The following CACNA1A variants were observed in gnomAD, a reference collection of about 807,000 sequenced individuals.
CACNA1A encodes voltage-dependent P/Q-type calcium channel subunit alpha-1A.
CACNA1A carries 57 observed loss-of-function variants against 262.4 expected under a neutral mutation model. That is an observed-to-expected ratio of 0.22 (90% confidence interval 0.18 to 0.27). CACNA1A has a LOEUF of 0.27. CACNA1A is among the 10% of genes least tolerant of loss of function. The pLI is 1.00. For missense variants in CACNA1A, 2,526 were observed against 3,562.8 expected, an observed-to-expected ratio of 0.71 and a Z score of 7.41; for synonymous variants, 1,431 against 1,419.3, an observed-to-expected ratio of 1.01 and a Z score of -0.18.
At chr19:13,437,363 A>G (rs1419333575) in intron 3 of CACNA1A, among the ~76,000 whole-genome samples, 8 of 152,168 alleles carry the variant, frequency 5.3e-5, no homozygotes, top group Admixed American at 5.2e-4. Flanking sequence ...CATAAACCTA[A>G]CACTGCAGAA....
At chr19:13,274,507 C>G (rs2057099931) in intron 24 of CACNA1A, 1 of 152,264 alleles carries the variant, frequency 6.6e-6, no homozygotes, top group Admixed American at 6.5e-5. Flanking sequence ...CTTTCAAAAC[C>G]TGTCAGGGAA....
rs1568557528 is a variant in CACNA1A at position 13,346,652 on chromosome 19, A to T, written c.979-10743T>A. ...TATATATATATATATATATATATAT[A>T]TATATATATATATATTTTTTTTTTT... On this transcript the variant is annotated intron_variant, in intron 6 of 46. Transcript: ENST00000360228. Among the ~76,000 whole-genome samples the T allele has an allele frequency of 2.6e-3, 15 of 5,714 alleles. 2 individuals carry two copies. Among genetic ancestry groups the T allele is most frequent in the Admixed American group, 6.8e-3 (2 of 294 alleles). 3.7% of individuals were successfully genotyped at this position (5,714 alleles called of 152,430 possible).
At position 13,300,236 on chromosome 19, in the gene CACNA1A, C is replaced by T. The variant is rs76854675; in HGVS notation, c.2279+314G>A. On this transcript the variant is annotated intron_variant, in intron 18 of 46. Transcript: ENST00000360228. The stretch of plus-strand genomic sequence containing the variant: ...CCCTACTTTCTCTGTAGTTCCATCG[C>T]CTTCTAACACAATATATAATTTACT... Among the ~76,000 whole-genome samples the T allele has an allele frequency of 6.6e-5, 10 of 152,332 alleles. No individual in the cohort carries two copies. In the East Asian group the frequency reaches 1.9e-3, roughly 29 times the overall value.
chr19:13,304,080 C>A (rs577282725), intron 15 of CACNA1A, among the ~76,000 whole-genome samples, 196 bp from the exon 16 acceptor site: 1 of 152,064 alleles, frequency 6.6e-6, no homozygotes, highest in Admixed American at 6.6e-5. Flanking sequence ...TAGAAAGGGC[C>A]GTTCCTGCGT....
intron 1 of CACNA1A, among the ~76,000 whole-genome samples, chr19:13,473,686 T>A (rs1047725526): frequency 2.0e-5 from 3 of 152,148 alleles, no homozygotes; most frequent in African/African-American, 4.8e-5. Flanking sequence ...AGGAACCACA[T>A]CTGTCCTGCC....
chr19:13,277,372 C>T (rs1431821963), intron 22 of CACNA1A: 3 of 443,726 alleles, frequency 6.8e-6, no homozygotes, highest in Admixed American at 7.0e-5. Flanking sequence ...AAAAAAATCA[C>T]TGTACTAGGC....
At position 13,381,056 on chromosome 19, in the gene CACNA1A, A is replaced by G. The variant is rs1014495526; in HGVS notation, c.540-9277T>C. 7.9e-5 allele frequency among the ~76,000 whole-genome samples: 12 copies of G among 152,190 alleles called. No individual in the cohort carries two copies. The East Asian group carries it at 2.3e-3, about 29-fold the overall frequency. On this transcript the variant is annotated intron_variant, in intron 3 of 46. Transcript: ENST00000360228. Reference sequence around the variant, plus strand: ...CTCCCAAAGTGCTGGTATTTGAGGCATGAGCCACTATGCCCAGCCTGAAGC... The same window carrying G: ...CTCCCAAAGTGCTGGTATTTGAGGCGTGAGCCACTATGCCCAGCCTGAAGC...
intron 34 of CACNA1A, among the ~76,000 whole-genome samples, chr19:13,233,005 C>T (rs1266212965): frequency 2.6e-5 from 4 of 151,526 alleles, no homozygotes; most frequent in Admixed American, 2.0e-4. Flanking sequence ...GCCGAGATCG[C>T]ACCACTGCAC....
intron 3 of CACNA1A, among the ~76,000 whole-genome samples, chr19:13,415,027 A>G (rs2060196804): frequency 6.6e-6 from 1 of 152,130 alleles, no homozygotes; most frequent in South Asian, 2.1e-4. Flanking sequence ...CATGTAGGAC[A>G]GCTGGTTACT....
At chr19:13,223,483 C>G (rs149596078) in intron 38 of CACNA1A, among the ~76,000 whole-genome samples, 13 of 152,308 alleles carry the variant, frequency 8.5e-5, no homozygotes, top group African/African-American at 2.9e-4. Flanking sequence ...GCCACCACGT[C>G]GAGCCTACCC....
At chr19:13,399,872 G>A (rs567038930) in intron 3 of CACNA1A, among the ~76,000 whole-genome samples, 1 of 152,262 alleles carries the variant, frequency 6.6e-6, no homozygotes, top group Admixed American at 6.5e-5. Context: ...CAGAAGTGGG[G>A]AGGTCCCTCA....
intron 46 of CACNA1A, 116 bp from the exon 47 acceptor site, chr19:13,208,169 G>T: frequency 8.6e-6 from 1 of 115,864 alleles, no homozygotes; most frequent in Non-Finnish European, 1.4e-5. Flanking sequence ...AGGAGAGGGA[G>T]GAGGGGGAGG....
intron 19 of CACNA1A, among the ~76,000 whole-genome samples, chr19:13,298,322 G>C (rs1397053829): frequency 2.7e-5 from 4 of 145,586 alleles, no homozygotes; most frequent in Non-Finnish European, 6.0e-5. Context: ...TTAGAGGTGG[G>C]GTTTCACCAT....
rs1032666909 is a variant in CACNA1A, at chr19:13,241,321, CAG to C, written c.4950+3859_4950+3860del. ...ACCCCCATTCAGAACCCGATAAAAA[CAG>C]AGAGACAGAGTCTACAGGAAGTGGG... On this transcript the variant is annotated intron_variant, in intron 31 of 46. Coordinates refer to ENST00000360228, the MANE Select transcript of CACNA1A (RefSeq NM_001127222.2). This position sits in a 1 kb window ranked among gnomAD's most constrained non-coding sequence, Gnocchi z 4.0. 2.0e-5 allele frequency among the ~76,000 whole-genome samples: 3 copies of C among 151,988 alleles called. No individual in the cohort carries two copies. The highest frequency in any genetic ancestry group is 4.8e-5 in the African/African-American group (2 of 41,376).
intron 6 of CACNA1A, among the ~76,000 whole-genome samples, chr19:13,358,949 C>T (rs1269518410): frequency 6.6e-6 from 1 of 152,176 alleles, no homozygotes; most frequent in Non-Finnish European, 1.5e-5. Flanking sequence ...CAGAGGGGCT[C>T]CACACATATG....
At chr19:13,300,482 A>T in intron 18 of CACNA1A, 68 bp downstream of exon 18, 1 of 1,143,742 alleles carries the variant, frequency 8.7e-7, no homozygotes, top group Non-Finnish European at 1.3e-6. Flanking sequence ...CTGCTTCCCA[A>T]ATCTGTGCCT....
At chr19:13,429,412 G>C (rs1306093372) in intron 3 of CACNA1A, among the ~76,000 whole-genome samples, 3 of 151,582 alleles carry the variant, frequency 2.0e-5, no homozygotes, top group South Asian at 4.2e-4. Context: ...GGGTGGGAGC[G>C]GGGGGAAGGG....
In CACNA1A at chr19:13,310,507, T is replaced by G. The variant is rs1268735896; in HGVS notation, c.1669-1979A>C. Among the ~76,000 whole-genome samples, 201 of 37,892 alleles carry G rather than the reference T, an allele frequency of 5.3e-3. 43 individuals carry two copies. The East Asian group carries it at 0.24, about 45-fold the overall frequency. The allele number at this position is 37,892 out of a possible 152,430, so 24.9% of individuals were successfully genotyped here. On this transcript the variant is annotated intron_variant, in intron 12 of 46. Coordinates refer to ENST00000360228, the MANE Select transcript of CACNA1A (RefSeq NM_001127222.2). The stretch of plus-strand genomic sequence containing the variant: ...AAAAAAAAATATATATATATATATA[T>G]ATATATGTAGAGAGAGAGAGAGAGT...
intron 3 of CACNA1A, among the ~76,000 whole-genome samples, chr19:13,412,701 G>A (rs548686993): frequency 6.6e-6 from 1 of 151,844 alleles, no homozygotes; most frequent in Non-Finnish European, 1.5e-5. Context: ...GGTCTCAAAC[G>A]CCCAACCTCA....
Sources: gnomAD v4.1 joint callset for allele counts (sites outside exome capture counted in the v4.1 genomes callset) on GRCh38, gnomAD v4.1.1 for gene constraint, Gnocchi (gnomAD v3.1) non-coding constraint, MANE v1.5 for transcripts, NCBI Gene and HGNC (gene_info 2026-07-23, HGNC 2026-07-21) for gene names.